Variants in LVRN observed in about 807,000 individuals in gnomAD.
LVRN encodes laeverin.
A neutral mutation model predicts 111.4 loss-of-function variants in LVRN; 99 were observed. That is an observed-to-expected ratio of 0.89 (90% confidence interval 0.76 to 1.05). The LOEUF (loss-of-function observed/expected upper bound fraction) is 1.05. LVRN is among the 50% of genes least tolerant of loss of function. The pLI is 0.00. For synonymous variants in LVRN, 488 were observed against 449.5 expected (o/e 1.09, Z -1.08); for missense variants, 1,414 against 1,206.8 (o/e 1.17, Z -2.54).
Position 116,012,383 on chromosome 5 carries a change from T to C in LVRN, c.2257T>C (p.Leu753=), listed in dbSNP as rs1165419831. 1 of 1,478,180 alleles carries C rather than the reference T, an allele frequency of 6.8e-7. No homozygotes were observed. Among genetic ancestry groups the C allele is most frequent in the Non-Finnish European group, 9.3e-7 (1 of 1,069,752 alleles). The allele number at this position is 1,478,180 out of a possible 1,614,324, so 91.6% of individuals were successfully genotyped here. A position where few individuals can be genotyped will look rare whatever the true frequency, so the allele number is the denominator to read the frequency against. Residue 753 remains leucine, a synonymous_variant, in exon 15 of 20, where the codon TTA becomes CTA. Transcript: ENST00000357872. ...TCTTTATTGTTTATAGAGGTACCTA[T>C]TAAAGAGACTTAATTTAATATGGAA... The part of the protein sequence containing the change: ...DIYSLLKRYL[L]KRLNLIWNIY...
intron 1 of LVRN, among the ~76,000 whole-genome samples, chr5:115,969,063 CA>C (rs1175041184): frequency 6.6e-6 from 1 of 152,180 alleles, no homozygotes; most frequent in Non-Finnish European, 1.5e-5. Flanking sequence ...CTGATGAATT[CA>C]AAAAGTCTTC....
chr5:116,022,773 G>T (rs1431146836), intron 19 of LVRN, among the ~76,000 whole-genome samples: 1 of 152,138 alleles, frequency 6.6e-6, no homozygotes, highest in Non-Finnish European at 1.5e-5. Flanking sequence ...TCATTGCCCT[G>T]TTCCAGAGCT....
At position 116,010,743 on chromosome 5, in the gene LVRN, A is replaced by G. The variant is rs756639829; in HGVS notation, c.2096A>G (p.Asn699Ser). The G allele has an allele frequency of 1.3e-6, 2 of 1,585,460 alleles. No homozygotes were observed. The highest frequency in any genetic ancestry group is 2.3e-5 in the South Asian group (2 of 86,916). ...LIDDAFSLSK[N>S]NYIEIETALE... ...GTGTGTGTTTTTAAATCAAACAGAA[A>G]CAATTATATTGAGATTGAAACAGCA... The change falls in exon 14 of 20, where the codon AAC (asparagine) becomes AGC (serine). Residue 699 changes from asparagine to serine, a missense_variant and splice_region_variant. Coordinates refer to ENST00000357872, the MANE Select transcript of LVRN (RefSeq NM_173800.5).
intron 18 of LVRN, among the ~76,000 whole-genome samples, chr5:116,019,487 T>TTAA (rs1748669295): frequency 6.6e-6 from 1 of 152,228 alleles, no homozygotes; most frequent in African/African-American, 2.4e-5. Context: ...TGTTGATGTA[T>TTAA]TAATGTATAA....
In LVRN at chr5:116,014,532, G is replaced by A. The variant is rs769932142; in HGVS notation, c.2450+5G>A. 2 of 1,603,770 alleles carry A rather than the reference G, an allele frequency of 1.2e-6. No homozygotes were observed. Among genetic ancestry groups the A allele is most frequent in the African/African-American group, 2.7e-5 (2 of 74,678 alleles). On this transcript the variant is annotated splice_donor_5th_base_variant and intron_variant, in intron 16 of 19. Coordinates refer to ENST00000357872, the MANE Select transcript of LVRN (RefSeq NM_173800.5). ...GGTGGATCATCCAGAAAATGAGTAAGAGTAATATCATAATTCCTCTTGTTT... is the reference window on the plus strand; with the variant it reads ...GGTGGATCATCCAGAAAATGAGTAAAAGTAATATCATAATTCCTCTTGTTT...
In LVRN at chr5:116,026,357, T is replaced by C; in HGVS notation, c.*239T>C. 2.0e-6 allele frequency: 1 copy of C among 509,856 alleles called. No individual in the cohort carries two copies. Among genetic ancestry groups the C allele is most frequent in the Non-Finnish European group, 3.5e-6 (1 of 287,770 alleles). The allele number at this position is 509,856 out of a possible 1,614,324, so 31.6% of individuals were successfully genotyped here. A position where few individuals can be genotyped will look rare whatever the true frequency, so the allele number is the denominator to read the frequency against. On this transcript the variant is annotated 3_prime_UTR_variant, in exon 20 of 20. Coordinates refer to ENST00000357872, the MANE Select transcript of LVRN (RefSeq NM_173800.5). ...AAAGATGTCACTTCATGTTGGGTTA[T>C]AATCCCACAGAATTTACTTTAAATG...
At chr5:115,991,269 C>T (rs1426507167) in intron 4 of LVRN, among the ~76,000 whole-genome samples, 2 of 152,128 alleles carry the variant, frequency 1.3e-5, no homozygotes, top group Non-Finnish European at 2.9e-5. Flanking sequence ...TTTGCCTGTT[C>T]CAGAATGTCA....
chr5:116,021,556 A>G, intron 18 of LVRN: 1 of 264,610 alleles, frequency 3.8e-6, no homozygotes, highest in South Asian at 4.1e-5. Flanking sequence ...CACCTTTATT[A>G]GTATATTATG....
At chr5:116,004,953 CAG>C (rs1429855921) in intron 12 of LVRN, among the ~76,000 whole-genome samples, 1 of 152,126 alleles carries the variant, frequency 6.6e-6, no homozygotes, top group Non-Finnish European at 1.5e-5. Context: ...CAAATATTTT[CAG>C]AGTGTCTAAA....
intron 1 of LVRN, among the ~76,000 whole-genome samples, chr5:115,971,490 T>G (rs1753325009): frequency 6.6e-6 from 1 of 152,172 alleles, no homozygotes. Flanking sequence ...AGTTAATTTT[T>G]GCATATGGTG....
intron 1 of LVRN, among the ~76,000 whole-genome samples, chr5:115,969,195 G>A (rs893620244): frequency 8.5e-5 from 13 of 152,142 alleles, no homozygotes; most frequent in African/African-American, 3.1e-4. Flanking sequence ...CCTGTTTTGG[G>A]ATTCACTGAG....
intron 6 of LVRN, among the ~76,000 whole-genome samples, chr5:115,994,296 A>ACGG (rs1299717889): frequency 2.7e-4 from 41 of 152,238 alleles, no homozygotes; most frequent in African/African-American, 8.9e-4. Context: ...GGCTGGAGAC[A>ACGG]TGGTCTCGCT....
chr5:115,999,555 A>G (rs1433368802), intron 6 of LVRN, among the ~76,000 whole-genome samples: 1 of 152,244 alleles, frequency 6.6e-6, no homozygotes, highest in African/African-American at 2.4e-5. Flanking sequence ...GAAATGAAAA[A>G]GGATACAAAT....
chr5:115,963,194 A>G lies in LVRN; in HGVS notation c.577A>G (p.Ser193Gly), dbSNP rs1753127664. The G allele has an allele frequency of 2.0e-5, 33 of 1,612,776 alleles. No homozygotes were observed. The highest frequency in any genetic ancestry group is 2.8e-5 in the Non-Finnish European group (33 of 1,179,726). The change falls in exon 1 of 20, where the codon AGT becomes GGT. Residue 193 changes from serine to glycine, a missense_variant. Coordinates refer to ENST00000357872, the MANE Select transcript of LVRN (RefSeq NM_173800.5). ...LDTEYMVLEL[S>G]EPLKPGSSYE... ...CACGGAATACATGGTGCTGGAGCTC[A>G]GTGAGCCCCTGAAACCTGGTAGCAG...
At position 115,999,791 on chromosome 5, in the gene LVRN, T is replaced by C. The variant is rs1350884435; in HGVS notation, c.1404T>C (p.His468=). The change falls in exon 7 of 20, where the codon CAT becomes CAC. Residue 468 remains histidine, a synonymous_variant. Transcript: ENST00000357872. ...AGATCTTTTTTTCTAACATTTTACA[T>C]AATATCCTCAGAGAAGATCACGCCC... ...RNEIFFSNIL[H]NILREDHALV... 2 of 1,613,288 alleles carry C rather than the reference T, an allele frequency of 1.2e-6. No individual in the cohort carries two copies. Among genetic ancestry groups the C allele is most frequent in the Admixed American group, 1.7e-5 (1 of 59,846 alleles).
At chr5:116,000,305 T>C in intron 7 of LVRN, 128 bp from the exon 8 acceptor site, 1 of 1,290,810 alleles carries the variant, frequency 7.7e-7, no homozygotes, top group Admixed American at 1.8e-5. Context: ...CCAAAATAAT[T>C]CAAACATTCA....
intron 3 of LVRN, 27 bp downstream of exon 3, chr5:115,984,736 G>T (rs376110976): frequency 4.3e-5 from 69 of 1,612,328 alleles, no homozygotes; most frequent in Non-Finnish European, 5.6e-5. Flanking sequence ...CTGTAGGTAA[G>T]GGAGATTGTA....
intron 14 of LVRN, among the ~76,000 whole-genome samples, chr5:116,011,628 G>A (rs937459719): frequency 4.6e-5 from 7 of 152,064 alleles, no homozygotes; most frequent in African/African-American, 1.4e-4. Flanking sequence ...TACGTCTAAC[G>A]GCCCCAGACT....
intron 6 of LVRN, among the ~76,000 whole-genome samples, chr5:115,997,393 G>A (rs745900503): frequency 6.6e-6 from 1 of 152,122 alleles, no homozygotes; most frequent in South Asian, 2.1e-4. Flanking sequence ...GCTATGTGTG[G>A]TGGCTCATGC....
Sources: gnomAD v4.1 joint callset for allele counts (sites outside exome capture counted in the v4.1 genomes callset) on GRCh38, gnomAD v4.1.1 for gene constraint, MANE v1.5 for transcripts, NCBI Gene and HGNC (gene_info 2026-07-23, HGNC 2026-07-21) for gene names.